Variants in RMND1 observed in about 807,000 individuals in gnomAD.
RMND1 encodes required for meiotic nuclear division 1 homolog, also known as required for meiotic nuclear division protein 1 homolog.
Under a neutral mutation model 54.0 loss-of-function variants are expected in RMND1, and 41 were observed. That is an observed-to-expected ratio of 0.76 (90% CI 0.59 to 0.98). The LOEUF (loss-of-function observed/expected upper bound fraction) is 0.98. Among genes scored for constraint, RMND1 ranks in the 50% least tolerant of loss-of-function variants. The pLI is 0.00. For missense variants in RMND1, 457 were observed against 532.0 expected (o/e 0.86, Z 1.39); for synonymous variants, 183 against 181.7 (o/e 1.01, Z -0.06).
Position 151,421,338 on chromosome 6 carries a change from C to T in RMND1, c.1003-17G>A, listed in dbSNP as rs200241647. On this transcript the variant is annotated splice_polypyrimidine_tract_variant and intron_variant, in intron 8 of 11. Coordinates refer to ENST00000444024, the MANE Select transcript of RMND1 (RefSeq NM_017909.4). ...TTTTAAAGCCTAGTTGAGAGGGAAT[C>T]GGAAAAACCAAAAAACCATGTATCT... 1.1e-5 allele frequency: 18 copies of T among 1,584,082 alleles called. No individual in the cohort carries two copies. The highest frequency in any genetic ancestry group is 2.7e-5 in the African/African-American group (2 of 73,414).
chr6:151,444,103 C>A (rs1479602965), intron 2 of RMND1, among the ~76,000 whole-genome samples: 1 of 152,126 alleles, frequency 6.6e-6, no homozygotes, highest in Non-Finnish European at 1.5e-5. Context: ...CTAAGGATGG[C>A]CCAAAGAAAT....
In RMND1 at chr6:151,445,614, C is replaced by A; in HGVS notation, c.198G>T (p.Gln66His). 6.2e-7 allele frequency: 1 copy of A among 1,614,182 alleles called. No homozygotes were observed. The highest frequency in any genetic ancestry group is 1.1e-5 in the South Asian group (1 of 91,084). The change falls in exon 2 of 12, where the codon CAG (glutamine) becomes CAT (histidine). Residue 66 changes from glutamine (Q) to histidine (H), a missense_variant. Gln to His is a conservative substitution (Grantham distance 24). Coordinates refer to ENST00000444024, the MANE Select transcript of RMND1 (RefSeq NM_017909.4). Reference protein sequence around the residue: ...DKTASGLNKSQILEMNQKKSD... With the variant: ...DKTASGLNKSHILEMNQKKSD... ...ACTTTTTTTGGTTCATTTCCAGGAT[C>A]TGAGACTTATTCAAACCACTAGCTG...
intron 9 of RMND1, 62 bp from the exon 10 acceptor site, chr6:151,417,461 T>C: frequency 1.5e-6 from 2 of 1,361,518 alleles, no homozygotes; most frequent in South Asian, 1.4e-5. Context: ...GTTTCTATTG[T>C]ATTTAATATT....
intron 10 of RMND1, 177 bp downstream of exon 10, chr6:151,417,102 A>G (rs969064803): frequency 1.7e-6 from 1 of 575,750 alleles, no homozygotes; most frequent in Non-Finnish European, 2.9e-6. Context: ...TGTAGAGCTA[A>G]TATCAGAAGA....
At chr6:151,415,398 A>G (rs1779973512) in intron 10 of RMND1, among the ~76,000 whole-genome samples, 1 of 152,172 alleles carries the variant, frequency 6.6e-6, no homozygotes, top group African/African-American at 2.4e-5. Context: ...AGATGTAATA[A>G]CCAGAGCAAC....
At chr6:151,419,105 C>T (rs971928490) in intron 9 of RMND1, among the ~76,000 whole-genome samples, 4 of 149,654 alleles carry the variant, frequency 2.7e-5, no homozygotes, top group African/African-American at 9.9e-5. Context: ...GCTCTGTCGC[C>T]CAGGCTGGAG....
chr6:151,434,487 A>G (rs1351591648), intron 3 of RMND1, among the ~76,000 whole-genome samples: 1 of 152,048 alleles, frequency 6.6e-6, no homozygotes, highest in Admixed American at 6.6e-5. Context: ...AAAGCAAAAT[A>G]AAATCGACTG....
In RMND1 at chr6:151,427,185, G is replaced by A. The variant is rs139696728; in HGVS notation, c.830+297C>T. On this transcript the variant is annotated intron_variant, in intron 6 of 11. Transcript: ENST00000444024. ...CCAGGTCGAGATCCAGACCATCCTG[G>A]CCAACATGGTGAAACCCTGTCTCTA... is the stretch of plus-strand genomic sequence containing the variant. 0.024 allele frequency among the ~76,000 whole-genome samples: 3,578 copies of A among 150,558 alleles called. 68 individuals carry two copies. Among genetic ancestry groups the A allele is most frequent in the Non-Finnish European group, 0.032 (2,181 of 67,680 alleles).
At chr6:151,410,298 GC>G (rs1562782741) in intron 10 of RMND1, among the ~76,000 whole-genome samples, 12 of 152,012 alleles carry the variant, frequency 7.9e-5, no homozygotes, top group South Asian at 2.1e-4. Flanking sequence ...CTTGTGATCC[GC>G]CCTCCTTGGC....
chr6:151,419,978 G>T (rs1780112076), intron 9 of RMND1, among the ~76,000 whole-genome samples: 1 of 151,880 alleles, frequency 6.6e-6, no homozygotes, highest in African/African-American at 2.4e-5. Flanking sequence ...TTTAGATTTA[G>T]TTTTTTAATC....
At chr6:151,443,162 G>A (rs918509927) in intron 2 of RMND1, among the ~76,000 whole-genome samples, 7 of 152,150 alleles carry the variant, frequency 4.6e-5, no homozygotes, top group Non-Finnish European at 8.8e-5. Flanking sequence ...TAAAAATGGA[G>A]TGGCCCTCAA....
chr6:151,425,333 T>C (rs1562790743), intron 6 of RMND1, among the ~76,000 whole-genome samples: 1 of 152,074 alleles, frequency 6.6e-6, no homozygotes, highest in East Asian at 1.9e-4. Context: ...ACCATGTAGG[T>C]GGCAGCCAGG....
At chr6:151,416,350 C>T (rs536316838) in intron 10 of RMND1, among the ~76,000 whole-genome samples, 28 of 150,822 alleles carry the variant, frequency 1.9e-4, no homozygotes, top group Non-Finnish European at 3.7e-4. Context: ...ACTATGTGCA[C>T]ACATTGTACT....
intron 2 of RMND1, among the ~76,000 whole-genome samples, chr6:151,443,915 A>G (rs1330841154): frequency 6.6e-6 from 1 of 152,266 alleles, no homozygotes; most frequent in Admixed American, 6.5e-5. Context: ...CATTTCAGGT[A>G]CTTCATAACA....
At chr6:151,451,807 T>G (rs1244325624) in intron 1 of RMND1, among the ~76,000 whole-genome samples, 1 of 152,176 alleles carries the variant, frequency 6.6e-6, no homozygotes, top group Non-Finnish European at 1.5e-5. Context: ...ATTTCTACAG[T>G]TACCGCGGTG....
At chr6:151,412,114 G>A (rs1779859693) in intron 10 of RMND1, among the ~76,000 whole-genome samples, 1 of 151,966 alleles carries the variant, frequency 6.6e-6, no homozygotes, top group South Asian at 2.1e-4. Flanking sequence ...CGATTTTCCT[G>A]CCTCAGCCTC....
At chr6:151,451,239 C>T (rs1040539233) in intron 1 of RMND1, among the ~76,000 whole-genome samples, 1 of 149,932 alleles carries the variant, frequency 6.7e-6, no homozygotes, top group Non-Finnish European at 1.5e-5. Context: ...CATCCATTCT[C>T]TTATCTTCCT....
Position 151,421,339 on chromosome 6 carries a change from G to A in RMND1, c.1003-18C>T, listed in dbSNP as rs761351693. On this transcript the variant is annotated intron_variant, in intron 8 of 11. Coordinates refer to ENST00000444024, the MANE Select transcript of RMND1 (RefSeq NM_017909.4). Reference sequence around the variant, plus strand: ...TTTAAAGCCTAGTTGAGAGGGAATCGGAAAAACCAAAAAACCATGTATCTC... The same window carrying A: ...TTTAAAGCCTAGTTGAGAGGGAATCAGAAAAACCAAAAAACCATGTATCTC... The A allele has an allele frequency of 8.2e-6, 13 of 1,580,204 alleles. No individual in the cohort carries two copies. The highest frequency in any genetic ancestry group is 1.7e-4 in the Middle Eastern group (1 of 5,934).
At chr6:151,414,548 T>C (rs1467336064) in intron 10 of RMND1, among the ~76,000 whole-genome samples, 1 of 152,060 alleles carries the variant, frequency 6.6e-6, no homozygotes, top group East Asian at 1.9e-4. Flanking sequence ...CAAGCAATTC[T>C]GAACACATTT....
Sources: allele counts gnomAD v4.1 joint callset (sites outside exome capture counted in the v4.1 genomes callset), GRCh38; gene constraint gnomAD v4.1.1; transcripts MANE v1.5; gene names NCBI Gene and HGNC (gene_info 2026-07-23, HGNC 2026-07-21).